The following ARMH4 variants were observed in gnomAD, a reference collection of about 807,000 sequenced individuals.
The protein encoded by ARMH4 is armadillo like helical domain containing 4.
In ARMH4, 49 loss-of-function variants were observed where a neutral mutation model predicts 61.9. The ratio of observed to expected loss-of-function variants is 0.79; its 90% confidence interval spans 0.63 to 1.00. The LOEUF (loss-of-function observed/expected upper bound fraction) is 1.00. Ranked by LOEUF, ARMH4 falls within the 50% of genes least tolerant of loss-of-function variation. The pLI is 0.00. For missense variants in ARMH4, 934 were observed against 930.0 expected, an observed-to-expected ratio of 1.00 and a Z score of -0.06; for synonymous variants, 368 against 341.5, an observed-to-expected ratio of 1.08 and a Z score of -0.85.
chr14:58,123,848 AC>A (rs1886811547), intron 4 of ARMH4, among the ~76,000 whole-genome samples: 1 of 152,204 alleles, frequency 6.6e-6, no homozygotes, highest in Non-Finnish European at 1.5e-5. Flanking sequence ...TGGATGATTT[AC>A]TTTTAGCTGC....
chr14:58,039,763 C>G (rs1489587385), intron 5 of ARMH4, among the ~76,000 whole-genome samples: 1 of 152,186 alleles, frequency 6.6e-6, no homozygotes, highest in Admixed American at 6.5e-5. Flanking sequence ...TGACTCAACA[C>G]TATGGCTTAT....
At chr14:58,105,316 G>C (rs1302879850) in intron 4 of ARMH4, among the ~76,000 whole-genome samples, 1 of 152,100 alleles carries the variant, frequency 6.6e-6, no homozygotes, top group Non-Finnish European at 1.5e-5. Flanking sequence ...AATAAGAATG[G>C]GGTCAAGGTA....
At chr14:58,079,398 C>T (rs968019333) in intron 5 of ARMH4, among the ~76,000 whole-genome samples, 2 of 152,266 alleles carry the variant, frequency 1.3e-5, no homozygotes, top group East Asian at 3.9e-4. Context: ...GTTGCACTCC[C>T]GCTTTTTACC....
intron 1 of ARMH4, among the ~76,000 whole-genome samples, 175 bp downstream of exon 1, chr14:58,151,900 C>G (rs1409591554): frequency 6.6e-6 from 1 of 152,176 alleles, no homozygotes; most frequent in African/African-American, 2.4e-5. Context: ...ACCTGGGCAC[C>G]GCGCTCCGGA....
chr14:58,060,492 A>G (rs1884493763), intron 5 of ARMH4, among the ~76,000 whole-genome samples: 1 of 152,206 alleles, frequency 6.6e-6, no homozygotes, highest in South Asian at 2.1e-4. Flanking sequence ...TTATTAACTG[A>G]TGGTACTCTG....
chr14:58,025,386 A>G (rs927748700), intron 5 of ARMH4, among the ~76,000 whole-genome samples: 3 of 152,184 alleles, frequency 2.0e-5, no homozygotes, highest in Non-Finnish European at 2.9e-5. Context: ...TTATAAATAT[A>G]GTCTCTTTAA....
At chr14:58,132,644 G>A (rs1048272994) in intron 3 of ARMH4, among the ~76,000 whole-genome samples, 7 of 144,406 alleles carry the variant, frequency 4.8e-5, no homozygotes, top group African/African-American at 1.8e-4. Flanking sequence ...GGAGTGCAGT[G>A]GCGCCATCTC....
intron 4 of ARMH4, among the ~76,000 whole-genome samples, chr14:58,126,865 T>G (rs772682796): frequency 4.0e-5 from 6 of 149,806 alleles, no homozygotes; most frequent in South Asian, 2.1e-4. Context: ...TGCAGTGGTG[T>G]GATCTCGGCT....
chr14:58,009,954 A>G (rs1882339653), intron 6 of ARMH4, among the ~76,000 whole-genome samples: 1 of 152,176 alleles, frequency 6.6e-6, no homozygotes, highest in Non-Finnish European at 1.5e-5. Flanking sequence ...TACAACAACA[A>G]CAGGAATAAT....
intron 2 of ARMH4, 120 bp downstream of exon 2, chr14:58,137,870 A>T (rs1887358613): frequency 2.0e-6 from 2 of 1,001,084 alleles, no homozygotes; most frequent in Admixed American, 2.8e-5. Context: ...TATAGGCATG[A>T]GCTGCTGCAC....
chr14:58,058,557 C>G (rs911711795), intron 5 of ARMH4, among the ~76,000 whole-genome samples: 1 of 152,116 alleles, frequency 6.6e-6, no homozygotes, highest in Non-Finnish European at 1.5e-5. Flanking sequence ...TTAGAGCATA[C>G]GGGGTAACTT....
intron 1 of ARMH4, among the ~76,000 whole-genome samples, chr14:58,145,749 C>A (rs1269037242): frequency 6.6e-6 from 1 of 152,178 alleles, no homozygotes; most frequent in Non-Finnish European, 1.5e-5. Context: ...TTTCTCCCCC[C>A]TTTTCAAAGG....
intron 1 of ARMH4, among the ~76,000 whole-genome samples, chr14:58,148,088 C>A (rs191140880): frequency 6.6e-6 from 1 of 152,258 alleles, no homozygotes; most frequent in African/African-American, 2.4e-5. Flanking sequence ...CTCGCTCTGT[C>A]GCCCAGGCTA....
intron 5 of ARMH4, among the ~76,000 whole-genome samples, chr14:58,084,011 GC>G (rs1251418845): frequency 2.0e-5 from 3 of 152,146 alleles, no homozygotes; most frequent in African/African-American, 7.2e-5. Flanking sequence ...ATTATTGGTG[GC>G]CCATCATAAA....
At chr14:58,058,468 G>A (rs1156793989) in intron 5 of ARMH4, among the ~76,000 whole-genome samples, 1 of 152,074 alleles carries the variant, frequency 6.6e-6, no homozygotes, top group Non-Finnish European at 1.5e-5. Flanking sequence ...CTAAACTCAT[G>A]AATAATAAGG....
chr14:58,083,122 A>G lies in ARMH4; in HGVS notation c.2089+13602T>C, dbSNP rs79614983. Among the ~76,000 whole-genome samples the G allele has an allele frequency of 6.2e-3, 947 of 152,310 alleles. 13 individuals are homozygous for G. Among genetic ancestry groups the G allele is most frequent in the African/African-American group, 0.021 (886 of 41,556 alleles). On this transcript the variant is annotated intron_variant, in intron 5 of 7. Coordinates refer to ENST00000267485, the MANE Select transcript of ARMH4 (RefSeq NM_001001872.4). ...ATTATGAAGAGGGCAAGGAACCAAT[A>G]TATTAATCCACTGAGACTTTAGAGT... is the stretch of plus-strand genomic sequence containing the variant.
At chr14:58,018,279 T>G (rs74767492) in intron 5 of ARMH4, among the ~76,000 whole-genome samples, 4,776 of 152,084 alleles carry the variant, frequency 0.031, 93 homozygotes, top group Middle Eastern at 0.075. Flanking sequence ...AACCGGGATT[T>G]TATCAAACTA....
chr14:58,066,758 T>C (rs2141221779), intron 5 of ARMH4, among the ~76,000 whole-genome samples: 1 of 152,328 alleles, frequency 6.6e-6, no homozygotes, highest in South Asian at 2.1e-4. Context: ...CTATATTTCA[T>C]GGATCTTGAA....
In ARMH4 at chr14:58,018,826, G is replaced by A. The variant is rs558077720; in HGVS notation, c.2090-6676C>T. Among the ~76,000 whole-genome samples the A allele has an allele frequency of 7.9e-5, 12 of 152,278 alleles. No homozygotes were observed. The South Asian group carries it at 2.5e-3, about 32-fold the overall frequency. On this transcript the variant is annotated intron_variant, in intron 5 of 7. Coordinates refer to ENST00000267485, the MANE Select transcript of ARMH4 (RefSeq NM_001001872.4). ...GTTGAAGAGATATCTGCACTCTCATGTTCACTGCAGCACTATTCACAATAC... is the reference window on the plus strand; with the variant it reads ...GTTGAAGAGATATCTGCACTCTCATATTCACTGCAGCACTATTCACAATAC...
Sources: gnomAD v4.1 joint callset for allele counts (sites outside exome capture counted in the v4.1 genomes callset) on GRCh38, gnomAD v4.1.1 for gene constraint, MANE v1.5 for transcripts, NCBI Gene and HGNC (gene_info 2026-07-23, HGNC 2026-07-21) for gene names.